Variants in FHL1 observed in about 807,000 individuals in gnomAD.
The protein encoded by FHL1 is four and a half LIM domains 1, also known as four and a half LIM domains protein 1.
FHL1 carries 1 observed loss-of-function variant against 20.3 expected under a neutral mutation model. The ratio of observed to expected loss-of-function variants is 0.05; its 90% CI spans 0.02 to 0.23. The LOEUF is 0.23. Ranked by LOEUF, FHL1 falls within the 10% of genes least tolerant of loss-of-function variation. FHL1 has a pLI of 1.00. For synonymous variants in FHL1, 82 were observed against 88.9 expected, an observed-to-expected ratio of 0.92 and a Z score of 0.44; for missense variants, 177 against 234.0, an observed-to-expected ratio of 0.76 and a Z score of 1.59.
chrX:136,180,551 A>G (rs1445755453), intron 2 of FHL1, among the ~76,000 whole-genome samples: 1 of 111,916 alleles, frequency 8.9e-6, no homozygotes, highest in Non-Finnish European at 1.9e-5. Flanking sequence ...TTCATATTGT[A>G]TTCCATGGAA....
At chrX:136,167,336 C>T (rs1569528612), upstream of FHL1, among the ~76,000 whole-genome samples, 1 of 110,568 alleles carries the variant, frequency 9.0e-6, no homozygotes, top group Non-Finnish European at 1.9e-5. Context: ...CTCCTGAGTA[C>T]CTGGGACTAC....
intron 2 of FHL1, among the ~76,000 whole-genome samples, chrX:136,175,154 G>A (rs1175151574): frequency 1.8e-5 from 2 of 112,030 alleles, no homozygotes; most frequent in Non-Finnish European, 3.8e-5. Context: ...TTGGCTGAAT[G>A]AATTATCCAA....
chrX:136,163,667 C>G (rs147098036), intron 1 of FHL1, among the ~76,000 whole-genome samples: 2,744 of 111,699 alleles, frequency 0.025, 89 homozygotes, highest in African/African-American at 0.084. Flanking sequence ...TCAGGAGTAC[C>G]TCTCAGACTT....
intron 1 of FHL1, among the ~76,000 whole-genome samples, chrX:136,202,265 T>A (rs1205107779): frequency 1.8e-5 from 2 of 111,471 alleles, no homozygotes; most frequent in Non-Finnish European, 3.8e-5. Flanking sequence ...CTCAGGAGGC[T>A]AAGGTAGGAG....
chrX:136,162,594 C>G (rs149208828), intron 1 of FHL1, among the ~76,000 whole-genome samples: 1 of 111,761 alleles, frequency 8.9e-6, no homozygotes, highest in African/African-American at 3.3e-5. Context: ...TGAGCTATCA[C>G]CTGGGAGCTT....
chrX:136,192,024 G>A (rs1253840436), intron 2 of FHL1, among the ~76,000 whole-genome samples: 2 of 111,909 alleles, frequency 1.8e-5, no homozygotes, highest in Non-Finnish European at 3.8e-5. Context: ...GAAATAAACT[G>A]GAAGAGAATT....
chrX:136,203,272 T>C (rs1056591571), intron 1 of FHL1, among the ~76,000 whole-genome samples: 1 of 112,511 alleles, frequency 8.9e-6, no homozygotes, highest in Non-Finnish European at 1.9e-5. Context: ...TGTAGAAATG[T>C]ATTCTAAAAG....
At chrX:136,206,269 G>A (rs2073837133) in intron 1 of FHL1, 138 bp from the exon 2 acceptor site, 1 of 751,366 alleles carries the variant, frequency 1.3e-6, no homozygotes, top group Admixed American at 2.3e-5. Flanking sequence ...TAGTCAGCTC[G>A]GCTGAAGGGG....
At chrX:136,186,713 G>A (rs1370455407) in intron 2 of FHL1, among the ~76,000 whole-genome samples, 2 of 109,923 alleles carry the variant, frequency 1.8e-5, no homozygotes, top group Non-Finnish European at 3.8e-5. Context: ...AATTAGCTGG[G>A]CATGGTGGCA....
chrX:136,207,212 G>T (rs746167956), intron 3 of FHL1, 22 bp downstream of exon 3: 1 of 1,186,686 alleles, frequency 8.4e-7, no homozygotes, highest in Non-Finnish European at 1.1e-6. Context: ...TTCCCACCCC[G>T]GGTTCCCAGG....
At chrX:136,149,723 C>G (rs2072213803) in intron 1 of FHL1, among the ~76,000 whole-genome samples, 1 of 111,164 alleles carries the variant, frequency 9.0e-6, no homozygotes, top group Non-Finnish European at 1.9e-5. Context: ...CTGTATAATA[C>G]CAGTGCATTG....
At chrX:136,150,497 T>C (rs895134856) in intron 1 of FHL1, among the ~76,000 whole-genome samples, 8 of 111,997 alleles carry the variant, frequency 7.1e-5, no homozygotes, top group African/African-American at 2.6e-4. Context: ...TACTGAACTT[T>C]TTTTTGTTAA....
chrX:136,207,494 C>T (rs1252671758), intron 3 of FHL1: 2 of 424,754 alleles, frequency 4.7e-6, no homozygotes, highest in Admixed American at 4.1e-5. Context: ...CTCAGGGTGT[C>T]ATTCTGGGCC....
At chrX:136,172,174 G>T (rs1029845822) in intron 2 of FHL1, among the ~76,000 whole-genome samples, 1 of 112,157 alleles carries the variant, frequency 8.9e-6, no homozygotes, top group Non-Finnish European at 1.9e-5. Context: ...GATTACAGGC[G>T]TGAGCCACTG....
intron 2 of FHL1, among the ~76,000 whole-genome samples, chrX:136,183,707 C>A (rs1318942835): frequency 9.0e-6 from 1 of 111,728 alleles, no homozygotes; most frequent in African/African-American, 3.3e-5. Context: ...TTTCTTCCTG[C>A]AAAATGTATG....
At chrX:136,146,795 G>C (rs1423691629), upstream of FHL1, 1 of 327,925 alleles carries the variant, frequency 3.0e-6, no homozygotes, top group Non-Finnish European at 5.9e-6. Flanking sequence ...GAGACGCCAC[G>C]CGCCGCTTTG....
upstream of FHL1, among the ~76,000 whole-genome samples, chrX:136,166,630 C>T (rs1019053609): frequency 5.4e-5 from 6 of 111,503 alleles, no homozygotes; most frequent in African/African-American, 1.6e-4. Flanking sequence ...TAAGTAGAAT[C>T]GGTATGAATT....
At chrX:136,147,395 C>A, upstream of FHL1, 1 of 105,571 alleles carries the variant, frequency 9.5e-6, no homozygotes, top group South Asian at 3.6e-4. Flanking sequence ...CCGCGCGCGC[C>A]CCGCCCCGCC....
In FHL1 at chrX:136,197,137, A is replaced by G; in HGVS notation, c.22+3A>G. The G allele has an allele frequency of 1.7e-6, 2 of 1,207,585 alleles. No homozygotes were observed. The highest frequency in any genetic ancestry group is 3.5e-5 in the South Asian group (2 of 56,626). On this transcript the variant is annotated splice_donor_region_variant and intron_variant, in intron 1 of 5. Coordinates refer to ENST00000370683, the MANE Select transcript of FHL1 (RefSeq NM_001159699.2). Reference sequence around the variant, plus strand: ...CATGGCTTCCCATAGACACTCAGGTAAAACTTCATGCTCTTTATCTTATAT... The same window carrying G: ...CATGGCTTCCCATAGACACTCAGGTGAAACTTCATGCTCTTTATCTTATAT...
Sources: gnomAD v4.1 joint callset for allele counts (sites outside exome capture counted in the v4.1 genomes callset) on GRCh38, gnomAD v4.1.1 for gene constraint, MANE v1.5 for transcripts, NCBI Gene and HGNC (gene_info 2026-07-23, HGNC 2026-07-21) for gene names.